Variants in SHPRH observed in about 807,000 individuals in gnomAD.
The protein encoded by SHPRH is SNF2 histone linker PHD RING helicase.
Under a neutral mutation model 202.5 loss-of-function variants are expected in SHPRH, and 106 were observed. The observed-to-expected ratio is 0.52, with a 90% CI of 0.45 to 0.62. SHPRH has a LOEUF of 0.62. Among genes scored for constraint, SHPRH ranks in the 20% least tolerant of loss-of-function variants. SHPRH has a pLI of 0.00. For missense variants in SHPRH, 1,710 were observed against 2,020.0 expected, an observed-to-expected ratio of 0.85 and a Z score of 2.94; for synonymous variants, 729 against 686.0, an observed-to-expected ratio of 1.06 and a Z score of -0.98.
At chr6:145,922,885 G>A (rs1243555527) in intron 18 of SHPRH, 49 bp from the exon 19 acceptor site, 3 of 1,468,974 alleles carry the variant, frequency 2.0e-6, no homozygotes, top group East Asian at 2.6e-5. Flanking sequence ...AGAATAATAG[G>A]TCAATTTCCT....
chr6:145,881,730 C>T (rs1024110916), downstream of SHPRH: 6 of 151,702 alleles, frequency 4.0e-5, no homozygotes, highest in African/African-American at 1.5e-4. Flanking sequence ...ACTGCTTTTT[C>T]CAATACCTAC....
In SHPRH at chr6:145,952,214, A is replaced by G. The variant is rs114232952; in HGVS notation, c.763+135T>C. 1.4e-3 allele frequency: 1,063 copies of G among 762,892 alleles called. 7 individuals carry two copies. In the African/African-American group the frequency reaches 0.018, roughly 13 times the overall value. The allele number at this position is 762,892 out of a possible 1,614,324, so 47.3% of individuals were successfully genotyped here. On this transcript the variant is annotated intron_variant, in intron 3 of 29. Coordinates refer to ENST00000275233, the MANE Select transcript of SHPRH (RefSeq NM_001042683.3). ...ATTAGTGGGTGCATTTCAAATAAGTATAATTTGCCATATAATCATTTAATT... is the reference window on the plus strand; with the variant it reads ...ATTAGTGGGTGCATTTCAAATAAGTGTAATTTGCCATATAATCATTTAATT...
intron 23 of SHPRH, among the ~76,000 whole-genome samples, chr6:145,914,679 A>G (rs1367828717): frequency 6.6e-6 from 1 of 152,188 alleles, no homozygotes; most frequent in East Asian, 1.9e-4. Flanking sequence ...ACTTTCACTC[A>G]GTTCAGAGTA....
chr6:145,871,804 G>C (rs1365407240), intron 2 of SHPRH, among the ~76,000 whole-genome samples: 1 of 152,086 alleles, frequency 6.6e-6, no homozygotes, highest in Non-Finnish European at 1.5e-5. Context: ...CTATACGATA[G>C]GGCTACAGTA....
intron 25 of SHPRH, chr6:145,905,256 G>A (rs2128728808): frequency 6.6e-6 from 1 of 152,360 alleles, no homozygotes; most frequent in South Asian, 2.1e-4. Context: ...GGCTAAGAAA[G>A]ACTATCTTTA....
intron 25 of SHPRH, chr6:145,909,920 A>T (rs1182138293): frequency 1.3e-5 from 2 of 152,164 alleles, no homozygotes; most frequent in Non-Finnish European, 2.9e-5. Context: ...TGAATGAAGC[A>T]TGGAAAAAAA....
intron 11 of SHPRH, among the ~76,000 whole-genome samples, chr6:145,938,118 A>T (rs1786316802): frequency 6.6e-6 from 1 of 152,040 alleles, no homozygotes; most frequent in Non-Finnish European, 1.5e-5. Context: ...AGAAGCTTAA[A>T]CTCCAGTGAA....
chr6:145,940,924 T>C, intron 10 of SHPRH, 123 bp from the exon 11 acceptor site: 1 of 858,758 alleles, frequency 1.2e-6, no homozygotes, highest in Non-Finnish European at 1.9e-6. Context: ...ATGTACCTAC[T>C]TTTATTTAAC....
At chr6:145,933,932 T>C (rs1785746869) in intron 13 of SHPRH, among the ~76,000 whole-genome samples, 3 of 152,148 alleles carry the variant, frequency 2.0e-5, no homozygotes. Flanking sequence ...CTCCCTGATG[T>C]GGGAACTATG....
chr6:145,932,907 T>A (rs1194293726), intron 14 of SHPRH, 150 bp downstream of exon 14: 1 of 834,714 alleles, frequency 1.2e-6, no homozygotes, highest in Admixed American at 3.0e-5. Context: ...CTATATTAAG[T>A]TGAACCTATT....
In SHPRH at chr6:145,886,670, A is replaced by G; in HGVS notation, c.*21T>C. 4 of 1,607,734 alleles carry G rather than the reference A, an allele frequency of 2.5e-6. No homozygotes were observed. Among genetic ancestry groups the G allele is most frequent in the Non-Finnish European group, 3.4e-6 (4 of 1,178,258 alleles). ...AAAGTTTATTAATACACTAAAGTCC[A>G]TGGAATGAATCAAGTGTAGTTCATT... On this transcript the variant is annotated 3_prime_UTR_variant, in exon 30 of 30. Transcript: ENST00000275233.
chr6:145,960,911 T>C (rs148955221), intron 1 of SHPRH, among the ~76,000 whole-genome samples: 1 of 152,212 alleles, frequency 6.6e-6, no homozygotes, highest in Non-Finnish European at 1.5e-5. Context: ...GATGAAACTA[T>C]TCCACCTTAG....
At chr6:145,868,434 G>A (rs937929902) in intron 2 of SHPRH, among the ~76,000 whole-genome samples, 7 of 152,228 alleles carry the variant, frequency 4.6e-5, no homozygotes, top group African/African-American at 1.4e-4. Flanking sequence ...CAGCTGATAA[G>A]TTGTGAAGCT....
chr6:145,923,041 A>C (rs1784560560), intron 18 of SHPRH, among the ~76,000 whole-genome samples: 1 of 151,752 alleles, frequency 6.6e-6, no homozygotes, highest in Non-Finnish European at 1.5e-5. Flanking sequence ...GATACCAAAA[A>C]AATTTGATAG....
At chr6:145,956,627 C>CA (rs1788538758) in intron 1 of SHPRH, among the ~76,000 whole-genome samples, 2 of 151,864 alleles carry the variant, frequency 1.3e-5, no homozygotes, top group African/African-American at 2.4e-5. Context: ...AAAGCAAAAA[C>CA]AAAAAATATG....
rs746443597 is a variant in SHPRH, at chr6:145,910,482, T to C, written c.4481A>G (p.Glu1494Gly). Residue 1494 changes from glutamate (E) to glycine (G), a missense_variant, in exon 25 of 30, where the codon GAG becomes GGG. By Grantham distance (98) the Glu-to-Gly change is moderately conservative. Around this residue, in one of 8 missense-constraint regions of SHPRH, gnomAD observed 306 missense variants for 479.5 expected, o/e 0.64. Transcript: ENST00000275233. ...GATGTCCTCCTCCTGGTTTGCTTTC[T>C]CTGAGGTAAAGACATACGAGATTTC... ...HKEISYVFTS[E>G]KANQEEDIPV... 1 of 1,613,104 alleles carries C rather than the reference T, an allele frequency of 6.2e-7. No homozygotes were observed. The highest frequency in any genetic ancestry group is 8.5e-7 in the Non-Finnish European group (1 of 1,179,494).
chr6:145,889,864 T>C (rs1267837618), intron 28 of SHPRH, among the ~76,000 whole-genome samples: 1 of 152,192 alleles, frequency 6.6e-6, no homozygotes, highest in African/African-American at 2.4e-5. Flanking sequence ...GGGACACTTC[T>C]GCTGTAATAA....
chr6:145,954,541 T>G, intron 2 of SHPRH, 149 bp downstream of exon 2: 1 of 773,352 alleles, frequency 1.3e-6, no homozygotes, highest in Non-Finnish European at 2.0e-6. Flanking sequence ...TAACATACTT[T>G]GAATAGTTAT....
intron 21 of SHPRH, among the ~76,000 whole-genome samples, chr6:145,919,853 A>G (rs1784283543): frequency 6.6e-6 from 1 of 152,146 alleles, no homozygotes; most frequent in South Asian, 2.1e-4. Flanking sequence ...GAATACTAAA[A>G]TATACAATCA....
Sources: allele counts gnomAD v4.1 joint callset (sites outside exome capture counted in the v4.1 genomes callset), GRCh38; gene constraint gnomAD v4.1.1; regional missense constraint gnomAD v4.1.1; transcripts MANE v1.5; gene names NCBI Gene and HGNC (gene_info 2026-07-23, HGNC 2026-07-21).